ZNFX1: variants seen among roughly 807,000 people sequenced by gnomAD.
The protein encoded by ZNFX1 is NFX1-type zinc finger-containing protein 1.
ZNFX1 carries 78 observed loss-of-function variants against 179.8 expected under a neutral mutation model. That is an observed-to-expected ratio of 0.43 (90% CI 0.36 to 0.52). The LOEUF (loss-of-function observed/expected upper bound fraction) is 0.52. ZNFX1 is among the 20% of genes least tolerant of loss of function. ZNFX1 has a pLI of 0.00. For missense variants in ZNFX1, 1,927 were observed against 2,386.6 expected (o/e 0.81, Z 4.01); for synonymous variants, 848 against 868.5 (o/e 0.98, Z 0.42).
intron 13 of ZNFX1, among the ~76,000 whole-genome samples, chr20:49,250,482 A>T (rs1377217666): frequency 6.6e-6 from 1 of 152,064 alleles, no homozygotes. Context: ...GAATTTATTT[A>T]TTTATTTTAA....
At chr20:49,276,098 A>T (rs762565578) in intron 1 of ZNFX1, among the ~76,000 whole-genome samples, 1 of 152,252 alleles carries the variant, frequency 6.6e-6, no homozygotes, top group Non-Finnish European at 1.5e-5. Flanking sequence ...AGCTGATTTC[A>T]AGAGATAGAA....
At chr20:49,257,695 GA>G (rs1382157859) in intron 7 of ZNFX1, 31 bp from the exon 8 acceptor site, 2 of 1,518,592 alleles carry the variant, frequency 1.3e-6, no homozygotes, top group African/African-American at 1.5e-5. Flanking sequence ...GGAGAGAGAT[GA>G]AAACTCTTTT....
intron 3 of ZNFX1, among the ~76,000 whole-genome samples, chr20:49,268,744 A>C (rs757733789): frequency 3.9e-5 from 6 of 152,218 alleles, no homozygotes; most frequent in Admixed American, 6.5e-5. Flanking sequence ...AAAATGCTCA[A>C]CATCAACATC....
intron 2 of ZNFX1, among the ~76,000 whole-genome samples, chr20:49,274,565 C>G (rs1259572600): frequency 2.0e-5 from 3 of 151,770 alleles, no homozygotes; most frequent in Admixed American, 2.0e-4. Context: ...TGAGACCATT[C>G]TGGTCCAACA....
Position 49,252,443 on chromosome 20 carries a change from C to G in ZNFX1, c.3216+277G>C, listed in dbSNP as rs145237348. 7.9e-3 allele frequency among the ~76,000 whole-genome samples: 1,194 copies of G among 150,372 alleles called. 20 individuals carry two copies. The highest frequency in any genetic ancestry group is 0.027 in the African/African-American group (1,103 of 40,928). ...AGGTGTGAGCCACCGCACCTGGCCT[C>G]TATTTTTCTTAAAAAAAAAAAGGAA... On this transcript the variant is annotated intron_variant, in intron 12 of 13. Transcript: ENST00000396105.
chr20:49,273,024 G>C (rs1320132403), intron 2 of ZNFX1, among the ~76,000 whole-genome samples: 1 of 152,144 alleles, frequency 6.6e-6, no homozygotes, highest in South Asian at 2.1e-4. Context: ...AGTTGTAAAA[G>C]CTTCAAATGC....
In ZNFX1 at chr20:49,247,527, C is replaced by T; in HGVS notation, c.5497G>A (p.Val1833Met). ...SGLGISEEER[V>M]QIVSAIGYPR... is the part of the protein sequence containing the mutation. ...TAACCTATGGCACTGACAATCTGCACTCGCTCTTCCTCTGAGATGCCCAGG... is the reference window on the plus strand; with the variant it reads ...TAACCTATGGCACTGACAATCTGCATTCGCTCTTCCTCTGAGATGCCCAGG... The change falls in exon 14 of 14, where the codon GTG becomes ATG. Residue 1833 changes from valine (V) to methionine (M), a missense_variant. Physicochemically the swap from Val to Met is conservative, Grantham distance 21 (BLOSUM62 1). Coordinates refer to ENST00000396105, the MANE Select transcript of ZNFX1 (RefSeq NM_021035.3). 1.9e-6 allele frequency: 3 copies of T among 1,614,210 alleles called. No homozygotes were observed. Among genetic ancestry groups the T allele is most frequent in the East Asian group, 2.2e-5 (1 of 44,882 alleles).
Position 49,255,880 on chromosome 20 carries a change from A to T in ZNFX1, c.2732T>A (p.Met911Lys). Residue 911 changes from methionine (M) to lysine (K), a missense_variant, in exon 9 of 14, where the codon ATG (methionine) becomes AAG (lysine). Coordinates refer to ENST00000396105, the MANE Select transcript of ZNFX1 (RefSeq NM_021035.3). Reference sequence around the variant, plus strand: ...GATCTCGTTGGCCTCGGCTGCAGTCATGGTGTTCAGTTTGCGAAGCTCATC... The same window carrying T: ...GATCTCGTTGGCCTCGGCTGCAGTCTTGGTGTTCAGTTTGCGAAGCTCATC... ...VKDELRKLNT[M>K]TAAEANEIED... The T allele has an allele frequency of 6.2e-7, 1 of 1,614,182 alleles. No individual in the cohort carries two copies. The highest frequency in any genetic ancestry group is 8.5e-7 in the Non-Finnish European group (1 of 1,180,036).
Position 49,249,435 on chromosome 20 carries a change from G to A in ZNFX1, c.3589C>T (p.Leu1197Phe), listed in dbSNP as rs780228891. The A allele has an allele frequency of 6.2e-7, 1 of 1,614,142 alleles. No homozygotes were observed. ...TCTTGGTTGCTCCGCACTAGCGAGA[G>A]GAGGATGATGTCATTCTCTTCCCCT... ...YQGEENDIIL[L>F]SLVRSNQEGK... The change falls in exon 14 of 14, where the codon CTC (leucine) becomes TTC (phenylalanine). Residue 1197 changes from leucine (L) to phenylalanine (F), a missense_variant. Physicochemically the swap from Leu to Phe is conservative, Grantham distance 22 (BLOSUM62 0). Transcript: ENST00000396105.
At chr20:49,255,443 T>C (rs1361635069) in intron 9 of ZNFX1, among the ~76,000 whole-genome samples, 1 of 152,062 alleles carries the variant, frequency 6.6e-6, no homozygotes, top group African/African-American at 2.4e-5. Flanking sequence ...AGCCTCAGCC[T>C]CCCAAAGTGG....
intron 1 of ZNFX1, among the ~76,000 whole-genome samples, chr20:49,277,056 A>G (rs972369049): frequency 3.3e-5 from 5 of 152,232 alleles, no homozygotes; most frequent in African/African-American, 9.6e-5. Flanking sequence ...AGGAGTAGAC[A>G]TGAACAGGAA....
chr20:49,249,766 T>C (rs1980792286), intron 13 of ZNFX1, 55 bp from the exon 14 acceptor site: 1 of 1,551,518 alleles, frequency 6.4e-7, no homozygotes, highest in East Asian at 2.3e-5. Flanking sequence ...ACTTGTTTTT[T>C]TCTTCCTCTC....
At chr20:49,260,306 AG>A (rs1359757687) in intron 7 of ZNFX1, among the ~76,000 whole-genome samples, 156 bp downstream of exon 7, 1 of 150,946 alleles carries the variant, frequency 6.6e-6, no homozygotes, top group Non-Finnish European at 1.5e-5. Flanking sequence ...AAAAAAAAAA[AG>A]TATTTTATCT....
intron 2 of ZNFX1, among the ~76,000 whole-genome samples, chr20:49,273,195 T>C (rs1458090163): frequency 1.3e-5 from 2 of 152,112 alleles, no homozygotes; most frequent in East Asian, 3.9e-4. Context: ...TCCAGTGGCA[T>C]GATCTTGGCT....
rs1268921711 is a variant in ZNFX1 at position 49,263,567 on chromosome 20, AAGAC to A, written c.2152-88_2152-85del. On this transcript the variant is annotated intron_variant, in intron 5 of 13. Transcript: ENST00000396105. Reference sequence around the variant, plus strand: ...CCTCACCTTGAGGGAAAGCAAAGCTAAGACAGGAACAGTAAGGAGGGAGAATAAA... The same window carrying A: ...CCTCACCTTGAGGGAAAGCAAAGCTAAGGAACAGTAAGGAGGGAGAATAAA... 2.7e-6 allele frequency: 4 copies of A among 1,482,104 alleles called. No individual in the cohort carries two copies. The East Asian group carries it at 9.9e-5, about 37-fold the overall frequency. 91.8% of individuals were successfully genotyped at this position (1,482,104 alleles called of 1,614,324 possible).
At chr20:49,257,741 GC>G (rs11343324) in intron 7 of ZNFX1, 77 bp from the exon 8 acceptor site, 308,606 of 1,468,480 alleles carry the variant, frequency 0.21, 34,115 homozygotes, top group African/African-American at 0.34. Context: ...TCGCTCTTTT[GC>G]CCAGGGTGGA....
intron 1 of ZNFX1, among the ~76,000 whole-genome samples, chr20:49,277,739 G>A (rs1302710867): frequency 6.6e-6 from 1 of 150,562 alleles, no homozygotes; most frequent in Non-Finnish European, 1.5e-5. Context: ...GAGGTCTGGG[G>A]TCTGAGGGGG....
intron 11 of ZNFX1, 54 bp downstream of exon 11, chr20:49,253,612 T>G: frequency 1.2e-6 from 2 of 1,607,706 alleles, no homozygotes; most frequent in South Asian, 1.1e-5. Flanking sequence ...TCTTCCTTTA[T>G]GATCTCACCC....
At chr20:49,255,206 G>C (rs988095626) in intron 9 of ZNFX1, among the ~76,000 whole-genome samples, 1 of 152,002 alleles carries the variant, frequency 6.6e-6, no homozygotes, top group Admixed American at 6.6e-5. Context: ...ACCACGCCCA[G>C]CTAATTTTTT....
Sources: gnomAD v4.1 joint callset for allele counts (sites outside exome capture counted in the v4.1 genomes callset) on GRCh38, gnomAD v4.1.1 for gene constraint, MANE v1.5 for transcripts, NCBI Gene and HGNC (gene_info 2026-07-23, HGNC 2026-07-21) for gene names.